The following FAM107B variants were observed in gnomAD, a reference collection of about 807,000 sequenced individuals.
FAM107B encodes family with sequence similarity 107 member B.
Under a neutral mutation model 31.5 loss-of-function variants are expected in FAM107B, and 21 were observed. The observed-to-expected ratio is 0.67, with a 90% CI of 0.47 to 0.96. The LOEUF (loss-of-function observed/expected upper bound fraction) is 0.96. Ranked by LOEUF, FAM107B falls within the 40% of genes least tolerant of loss-of-function variation. The probability of loss-of-function intolerance (pLI) is 0.00; values close to 1 mark genes in which losing one functional copy is unlikely to be tolerated. For synonymous variants in FAM107B, 157 were observed against 141.5 expected, an observed-to-expected ratio of 1.11 and a Z score of -0.78; for missense variants, 452 against 377.1, an observed-to-expected ratio of 1.20 and a Z score of -1.64.
intron 1 of FAM107B, among the ~76,000 whole-genome samples, chr10:14,743,042 A>G (rs1240263791): frequency 6.6e-6 from 1 of 151,876 alleles, no homozygotes; most frequent in African/African-American, 2.4e-5. Flanking sequence ...ACCTCTGTTA[A>G]TTTGACCCTT....
chr10:14,534,769 C>T (rs559012212), intron 2 of FAM107B: 15 of 152,360 alleles, frequency 9.8e-5, no homozygotes, highest in Non-Finnish European at 1.5e-4. Flanking sequence ...AATTCGTCAA[C>T]CACCGCCTTG....
chr10:14,731,430 T>G (rs1260508921), intron 1 of FAM107B, among the ~76,000 whole-genome samples: 2 of 152,194 alleles, frequency 1.3e-5, no homozygotes, highest in East Asian at 3.9e-4. Flanking sequence ...GGCATGGTGG[T>G]GGGTGCCTGC....
chr10:14,607,707 T>TTG (rs1257298099), intron 2 of FAM107B, among the ~76,000 whole-genome samples: 3 of 152,208 alleles, frequency 2.0e-5, no homozygotes, highest in Non-Finnish European at 4.4e-5. Context: ...ATTTAAGATT[T>TTG]TGTTCTGGGG....
intron 2 of FAM107B, among the ~76,000 whole-genome samples, chr10:14,560,966 G>A (rs118134309): frequency 2.2e-4 from 33 of 152,204 alleles, no homozygotes; most frequent in Non-Finnish European, 4.0e-4. Context: ...TGGCCATCCC[G>A]TCATAATTTT....
intron 1 of FAM107B, among the ~76,000 whole-genome samples, chr10:14,694,607 C>T (rs1360831899): frequency 1.3e-5 from 2 of 152,250 alleles, no homozygotes; most frequent in African/African-American, 2.4e-5. Flanking sequence ...TGGCCTCGAA[C>T]TCCTGACCTC....
At position 14,639,084 on chromosome 10, in the gene FAM107B, T is replaced by C. The variant is rs111493708; in HGVS notation, c.469+28550A>G. ...TGTGCCCCACCTGTAGTCCAAGCTA[T>C]TTGGGGGGTTGAGGGGGGAGGATTG... On this transcript the variant is annotated intron_variant, in intron 2 of 4. Transcript: ENST00000181796. 8.5e-5 allele frequency among the ~76,000 whole-genome samples: 13 copies of C among 152,176 alleles called. 1 individual carries two copies. Among genetic ancestry groups the C allele is most frequent in the African/African-American group, 3.1e-4 (13 of 41,538 alleles).
At chr10:14,577,047 T>C (rs1851487366) in intron 2 of FAM107B, among the ~76,000 whole-genome samples, 1 of 152,238 alleles carries the variant, frequency 6.6e-6, no homozygotes, top group Non-Finnish European at 1.5e-5. Context: ...ACAAAGAAGT[T>C]TCTCTATTCA....
At chr10:14,580,050 A>C (rs1346818181) in intron 2 of FAM107B, among the ~76,000 whole-genome samples, 1 of 151,048 alleles carries the variant, frequency 6.6e-6, no homozygotes, top group Non-Finnish European at 1.5e-5. Context: ...ACATTCAACT[A>C]GGTAAATAAA....
chr10:14,621,514 A>G (rs906118388), intron 2 of FAM107B, among the ~76,000 whole-genome samples: 6 of 152,264 alleles, frequency 3.9e-5, no homozygotes, highest in Admixed American at 3.9e-4. Flanking sequence ...GCCACAGGGC[A>G]AGGAAAAATT....
At chr10:14,585,614 T>C (rs887280181) in intron 2 of FAM107B, among the ~76,000 whole-genome samples, 55 of 152,134 alleles carry the variant, frequency 3.6e-4, no homozygotes, top group African/African-American at 1.3e-3. Flanking sequence ...CAGACGGCCA[T>C]CTAAAACACA....
chr10:14,708,371 G>A (rs1242341997), intron 1 of FAM107B, among the ~76,000 whole-genome samples: 2 of 151,958 alleles, frequency 1.3e-5, no homozygotes, highest in African/African-American at 2.4e-5. Flanking sequence ...ATGAGCCACC[G>A]CACCTGGCCC....
At chr10:14,740,492 G>A (rs1229688230) in intron 1 of FAM107B, among the ~76,000 whole-genome samples, 1 of 152,178 alleles carries the variant, frequency 6.6e-6, no homozygotes, top group Non-Finnish European at 1.5e-5. Context: ...TTTTAGGGCA[G>A]TGAAACTATC....
intron 2 of FAM107B, among the ~76,000 whole-genome samples, chr10:14,603,638 T>A (rs751831331): frequency 3.9e-5 from 6 of 152,136 alleles, no homozygotes; most frequent in Non-Finnish European, 7.4e-5. Flanking sequence ...GGAACCCAAA[T>A]TGAATTAGGA....
chr10:14,623,491 A>T (rs1382358777), intron 2 of FAM107B, among the ~76,000 whole-genome samples: 2 of 152,238 alleles, frequency 1.3e-5, no homozygotes, highest in African/African-American at 4.8e-5. Context: ...AAGCACACAT[A>T]TTCAGAGGAG....
At chr10:14,573,885 A>G (rs1458737679) in intron 2 of FAM107B, among the ~76,000 whole-genome samples, 1 of 150,472 alleles carries the variant, frequency 6.6e-6, no homozygotes, top group Admixed American at 6.6e-5. Context: ...CCAAATGATC[A>G]TTGTGGATAC....
chr10:14,687,213 C>T (rs1341448557), intron 1 of FAM107B, among the ~76,000 whole-genome samples: 3 of 152,288 alleles, frequency 2.0e-5, no homozygotes, highest in Non-Finnish European at 4.4e-5. Context: ...CACATGTTCC[C>T]GTACAACATA....
intron 2 of FAM107B, chr10:14,548,346 G>A: frequency 1.1e-6 from 1 of 882,850 alleles, no homozygotes; most frequent in South Asian, 5.2e-5. Context: ...GGGACCAGAT[G>A]CTCTTCCGAC....
At chr10:14,684,050 G>A (rs978839726) in intron 1 of FAM107B, among the ~76,000 whole-genome samples, 2 of 152,180 alleles carry the variant, frequency 1.3e-5, no homozygotes, top group Admixed American at 1.3e-4. Context: ...CAAGATCAAG[G>A]CAGTGTTAGA....
chr10:14,718,971 A>C (rs1027190093), intron 1 of FAM107B, among the ~76,000 whole-genome samples: 3 of 152,200 alleles, frequency 2.0e-5, no homozygotes, highest in Non-Finnish European at 1.5e-5. Flanking sequence ...GAAACAAGAT[A>C]CTCAAAGAGA....
Sources: gnomAD v4.1 joint callset for allele counts (sites outside exome capture counted in the v4.1 genomes callset) on GRCh38, gnomAD v4.1.1 for gene constraint, MANE v1.5 for transcripts, NCBI Gene and HGNC (gene_info 2026-07-23, HGNC 2026-07-21) for gene names.